The following PTPRD variants were observed in gnomAD, a reference collection of about 807,000 sequenced individuals.
PTPRD encodes receptor-type tyrosine-protein phosphatase delta.
PTPRD carries 34 observed loss-of-function variants against 214.5 expected under a neutral mutation model. That is an observed-to-expected ratio of 0.16 (90% CI 0.12 to 0.21). PTPRD has a LOEUF of 0.21. PTPRD is among the 10% of genes least tolerant of loss of function. The probability of loss-of-function intolerance (pLI) is 1.00; values close to 1 mark genes in which losing one functional copy is unlikely to be tolerated. For missense variants in PTPRD, 2,545 were observed against 2,398.7 expected (o/e 1.06, Z -1.27); for synonymous variants, 1,128 against 845.7 (o/e 1.33, Z -5.79).
chr9:10,226,964 G>C (rs1301703144), intron 3 of PTPRD, among the ~76,000 whole-genome samples: 1 of 151,746 alleles, frequency 6.6e-6, no homozygotes, highest in Non-Finnish European at 1.5e-5. Flanking sequence ...GGAATATAAT[G>C]TTTTTGTAGA....
intron 8 of PTPRD, among the ~76,000 whole-genome samples, chr9:9,487,789 G>A (rs1028961651): frequency 1.3e-5 from 2 of 152,078 alleles, no homozygotes; most frequent in African/African-American, 2.4e-5. Flanking sequence ...TCCAGTGACA[G>A]AAGGACTTTC....
chr9:10,144,905 T>G (rs1020135211), intron 3 of PTPRD, among the ~76,000 whole-genome samples: 4 of 152,056 alleles, frequency 2.6e-5, no homozygotes, highest in Non-Finnish European at 4.4e-5. Flanking sequence ...AAATTAGTAT[T>G]AAACTACAGC....
At chr9:9,133,254 T>C (rs1419681439) in intron 10 of PTPRD, among the ~76,000 whole-genome samples, 1 of 152,184 alleles carries the variant, frequency 6.6e-6, no homozygotes, top group Non-Finnish European at 1.5e-5. Flanking sequence ...ATGGTGATGT[T>C]GTCTGAATAT....
intron 5 of PTPRD, among the ~76,000 whole-genome samples, chr9:9,783,667 C>T (rs1045238727): frequency 1.3e-5 from 2 of 152,018 alleles, no homozygotes; most frequent in South Asian, 2.1e-4. Flanking sequence ...CTTTGTACCC[C>T]TTGTTGTCTC....
At chr9:9,278,449 T>C (rs1424965760) in intron 9 of PTPRD, among the ~76,000 whole-genome samples, 1 of 151,332 alleles carries the variant, frequency 6.6e-6, no homozygotes, top group Non-Finnish European at 1.5e-5. Flanking sequence ...GAAGATACAT[T>C]TGTAAGCCAC....
rs147904725 is a variant in PTPRD, at chr9:8,489,748, C to T, written c.2467+3114G>A. Among the ~76,000 whole-genome samples the T allele has an allele frequency of 3.9e-4, 60 of 152,274 alleles. No individual in the cohort carries two copies. The East Asian group carries it at 6.4e-3, about 16-fold the overall frequency. ...AAAGGGAAAAGGAATGAGGAGAGTTCTACATCATTGAATACATAGTTAAAA... is the reference window on the plus strand; with the variant it reads ...AAAGGGAAAAGGAATGAGGAGAGTTTTACATCATTGAATACATAGTTAAAA... On this transcript the variant is annotated intron_variant, in intron 27 of 45. Transcript: ENST00000381196.
At chr9:9,326,726 G>C (rs942656477) in intron 9 of PTPRD, among the ~76,000 whole-genome samples, 1 of 151,942 alleles carries the variant, frequency 6.6e-6, no homozygotes. Flanking sequence ...GGGATTGAAG[G>C]TAGAAGAATC....
At chr9:10,492,591 T>A (rs1487059810) in intron 2 of PTPRD, among the ~76,000 whole-genome samples, 1 of 152,204 alleles carries the variant, frequency 6.6e-6, no homozygotes, top group Non-Finnish European at 1.5e-5. Context: ...TTGTTTACAT[T>A]CCTTGTAGAT....
chr9:9,471,322 CTTA>C (rs1193597976), intron 8 of PTPRD, among the ~76,000 whole-genome samples: 1 of 152,170 alleles, frequency 6.6e-6, no homozygotes, highest in East Asian at 1.9e-4. Context: ...TCTAGCTGAA[CTTA>C]TTATACTGTC....
intron 2 of PTPRD, among the ~76,000 whole-genome samples, chr9:10,514,586 T>G (rs2049377782): frequency 6.6e-6 from 1 of 151,984 alleles, no homozygotes. Flanking sequence ...TTCTGTATTA[T>G]TCATGGTTTT....
intron 10 of PTPRD, among the ~76,000 whole-genome samples, chr9:9,138,142 C>CTT (rs199582208): frequency 0.045 from 6,794 of 149,744 alleles, 310 homozygotes; most frequent in African/African-American, 0.1. Context: ...GCAAAGAAAT[C>CTT]TTTTTTTTTT....
At chr9:9,553,932 C>G (rs1465457562) in intron 8 of PTPRD, among the ~76,000 whole-genome samples, 1 of 151,924 alleles carries the variant, frequency 6.6e-6, no homozygotes, top group Non-Finnish European at 1.5e-5. Context: ...CCTCTGACAA[C>G]AAAGCTTACA....
chr9:8,847,174 A>ATT (rs5896265), intron 11 of PTPRD, among the ~76,000 whole-genome samples: 1 of 150,858 alleles, frequency 6.6e-6, no homozygotes, highest in African/African-American at 2.4e-5. Flanking sequence ...TTCCTAAAAT[A>ATT]TTTTTTTTTT....
At chr9:9,041,836 C>A (rs75116584) in intron 10 of PTPRD, among the ~76,000 whole-genome samples, 5 of 152,184 alleles carry the variant, frequency 3.3e-5, no homozygotes, top group African/African-American at 1.2e-4. Flanking sequence ...CCCAGCTAAT[C>A]TCCTACTCAA....
At chr9:9,737,188 T>A (rs1473443820) in intron 6 of PTPRD, among the ~76,000 whole-genome samples, 1 of 152,090 alleles carries the variant, frequency 6.6e-6, no homozygotes, top group East Asian at 1.9e-4. Context: ...AGTCATGAAT[T>A]CAGTACCCAT....
At chr9:8,568,656 A>G (rs1645983746) in intron 14 of PTPRD, among the ~76,000 whole-genome samples, 1 of 152,162 alleles carries the variant, frequency 6.6e-6, no homozygotes, top group Admixed American at 6.6e-5. Flanking sequence ...GACAGCCTAG[A>G]TTATTTTTAA....
chr9:9,380,628 C>T (rs1041269485), intron 9 of PTPRD, among the ~76,000 whole-genome samples: 1 of 152,098 alleles, frequency 6.6e-6, no homozygotes, highest in African/African-American at 2.4e-5. Context: ...GTAAATGTTC[C>T]ATGTGAGTTT....
chr9:8,470,033 T>C (rs987700424), intron 31 of PTPRD, among the ~76,000 whole-genome samples: 2 of 152,146 alleles, frequency 1.3e-5, no homozygotes, highest in Non-Finnish European at 2.9e-5. Context: ...AAGAAATACC[T>C]AGAAATAAAA....
rs1555302230 is a variant in PTPRD, at chr9:9,900,641, G to GTTTTTTTTTTTTTTTTTTTTT, written c.-368+37865_-368+37866insAAAAAAAAAAAAAAAAAAAAA. Among the ~76,000 whole-genome samples, 10 of 120,106 alleles carry GTTTTTTTTTTTTTTTTTTTTT rather than the reference G, an allele frequency of 8.3e-5. 1 individual carries two copies. Among genetic ancestry groups the GTTTTTTTTTTTTTTTTTTTTT allele is most frequent in the African/African-American group, 2.5e-4 (8 of 32,096 alleles). The allele number at this position is 120,106 out of a possible 152,430, so 78.8% of individuals were successfully genotyped here. ...TCCAAAGGTGCTTCCACATTTTCAG[G>GTTTTTTTTTTTTTTTTTTTTT]TTTTTTTTTTTTTTGAGATGGAGTC... On this transcript the variant is annotated intron_variant, in intron 5 of 45. Transcript: ENST00000381196.
Sources: allele counts gnomAD v4.1 joint callset (sites outside exome capture counted in the v4.1 genomes callset), GRCh38; gene constraint gnomAD v4.1.1; transcripts MANE v1.5; gene names NCBI Gene and HGNC (gene_info 2026-07-23, HGNC 2026-07-21).